ITGA8: variants seen among roughly 807,000 people sequenced by gnomAD.
The protein encoded by ITGA8 is integrin alpha-8.
ITGA8 carries 91 observed loss-of-function variants against 142.3 expected under a neutral mutation model. The observed-to-expected ratio is 0.64, with a 90% CI of 0.54 to 0.76. ITGA8 has a LOEUF of 0.76. ITGA8 is among the 30% of genes least tolerant of loss of function. The pLI is 0.00. For missense variants in ITGA8, 1,406 were observed against 1,327.7 expected, an observed-to-expected ratio of 1.06 and a Z score of -0.92; for synonymous variants, 505 against 485.2, an observed-to-expected ratio of 1.04 and a Z score of -0.54.
intron 27 of ITGA8, 59 bp downstream of exon 27, chr10:15,548,396 G>A: frequency 8.5e-7 from 1 of 1,174,476 alleles, no homozygotes; most frequent in Non-Finnish European, 1.2e-6. Context: ...TTCCCACTGA[G>A]CTTTTGTGAA....
intron 13 of ITGA8, among the ~76,000 whole-genome samples, chr10:15,629,354 A>C (rs1209401530): frequency 6.6e-6 from 1 of 152,046 alleles, no homozygotes; most frequent in East Asian, 1.9e-4. Flanking sequence ...GGCAATGTAA[A>C]TTGATAGCAT....
intron 2 of ITGA8, among the ~76,000 whole-genome samples, chr10:15,710,600 G>A (rs750252216): frequency 1.3e-5 from 2 of 152,202 alleles, no homozygotes. Context: ...CAACACGTGT[G>A]TATGCAAGAG....
intron 2 of ITGA8, among the ~76,000 whole-genome samples, chr10:15,694,255 CAT>C (rs1564412292): frequency 1.6e-5 from 2 of 127,142 alleles, no homozygotes; most frequent in African/African-American, 6.4e-5. Flanking sequence ...TATATGATAA[CAT>C]ATACATCAGA....
At chr10:15,518,363 A>G (rs1833001062) in intron 29 of ITGA8, among the ~76,000 whole-genome samples, 2 of 152,252 alleles carry the variant, frequency 1.3e-5, no homozygotes, top group Admixed American at 6.5e-5. Flanking sequence ...TACAGTTACT[A>G]TGAGTGACAG....
At chr10:15,658,978 T>C in intron 10 of ITGA8, 21 bp downstream of exon 10, 1 of 1,466,528 alleles carries the variant, frequency 6.8e-7, no homozygotes, top group Non-Finnish European at 9.5e-7. Flanking sequence ...TTTTATTTAT[T>C]TGATATTAAA....
chr10:15,651,250 TTTG>T (rs1414974009), intron 11 of ITGA8, among the ~76,000 whole-genome samples: 4 of 152,096 alleles, frequency 2.6e-5, no homozygotes, highest in South Asian at 2.1e-4. Context: ...ACCATCTCCA[TTTG>T]TTGTTAACAG....
At chr10:15,575,894 TTATACA>T (rs1834282946) in intron 23 of ITGA8, among the ~76,000 whole-genome samples, 2 of 151,924 alleles carry the variant, frequency 1.3e-5, no homozygotes, top group Admixed American at 1.3e-4. Context: ...ATAACCAAAC[TTATACA>T]TATATAAATA....
At chr10:15,704,400 C>T (rs1835220264) in intron 2 of ITGA8, among the ~76,000 whole-genome samples, 1 of 152,154 alleles carries the variant, frequency 6.6e-6, no homozygotes, top group African/African-American at 2.4e-5. Context: ...AGAGTTGTTT[C>T]TTTCCAGAGT....
intron 23 of ITGA8, among the ~76,000 whole-genome samples, chr10:15,582,218 G>A (rs1834420907): frequency 6.6e-6 from 1 of 152,150 alleles, no homozygotes; most frequent in Non-Finnish European, 1.5e-5. Context: ...CAGCCTGGGA[G>A]ATAGAGTGAG....
intron 13 of ITGA8, among the ~76,000 whole-genome samples, chr10:15,642,217 T>C (rs946229288): frequency 1.8e-4 from 27 of 152,176 alleles, no homozygotes; most frequent in African/African-American, 6.3e-4. Context: ...GCTTTTAAAT[T>C]TTTTCTCCCT....
At chr10:15,622,542 A>C (rs1833507897) in intron 13 of ITGA8, among the ~76,000 whole-genome samples, 1 of 152,148 alleles carries the variant, frequency 6.6e-6, no homozygotes, top group Non-Finnish European at 1.5e-5. Context: ...GAAATCACAA[A>C]GGAATTTCAA....
At chr10:15,584,622 G>A (rs1009547012) in intron 23 of ITGA8, among the ~76,000 whole-genome samples, 2 of 152,148 alleles carry the variant, frequency 1.3e-5, no homozygotes, top group Admixed American at 6.5e-5. Flanking sequence ...CTCTGATCCT[G>A]AATTTCCACT....
intron 13 of ITGA8, among the ~76,000 whole-genome samples, chr10:15,620,946 A>G (rs972356435): frequency 1.2e-4 from 19 of 152,210 alleles, no homozygotes; most frequent in Non-Finnish European, 2.5e-4. Flanking sequence ...GATATTGCAT[A>G]ATTCTGTGCT....
At chr10:15,718,189 A>C (rs1169604738) in intron 2 of ITGA8, among the ~76,000 whole-genome samples, 1 of 152,246 alleles carries the variant, frequency 6.6e-6, no homozygotes, top group African/African-American at 2.4e-5. Context: ...TTAAATAAGA[A>C]ACATCTGTCT....
intron 11 of ITGA8, among the ~76,000 whole-genome samples, chr10:15,647,661 A>C (rs1177662940): frequency 6.6e-6 from 1 of 151,194 alleles, no homozygotes; most frequent in African/African-American, 2.4e-5. Flanking sequence ...ACGGGGTTTC[A>C]CCTTGTTAGC....
At chr10:15,668,191 A>T (rs1265776909) in intron 8 of ITGA8, among the ~76,000 whole-genome samples, 3 of 152,122 alleles carry the variant, frequency 2.0e-5, no homozygotes, top group Non-Finnish European at 4.4e-5. Context: ...TGCTTTATGA[A>T]TCTGGGTGCT....
At chr10:15,642,865 A>G (rs758030950) in intron 13 of ITGA8, among the ~76,000 whole-genome samples, 8 of 152,188 alleles carry the variant, frequency 5.3e-5, no homozygotes, top group Non-Finnish European at 1.2e-4. Context: ...AGCTTACTGG[A>G]TGCTGCCCCA....
At chr10:15,654,985 C>T (rs577539859) in intron 11 of ITGA8, among the ~76,000 whole-genome samples, 12 of 152,182 alleles carry the variant, frequency 7.9e-5, no homozygotes, top group Admixed American at 2.0e-4. Flanking sequence ...CTTAAAAATC[C>T]GTTTATGTGC....
At chr10:15,677,343 C>G (rs1215339493) in intron 6 of ITGA8, among the ~76,000 whole-genome samples, 3 of 152,008 alleles carry the variant, frequency 2.0e-5, no homozygotes, top group Non-Finnish European at 4.4e-5. Context: ...TGCTAATTAC[C>G]CTGATTTGAT....
Sources: allele counts gnomAD v4.1 joint callset (sites outside exome capture counted in the v4.1 genomes callset), GRCh38; gene constraint gnomAD v4.1.1; transcripts MANE v1.5; gene names NCBI Gene and HGNC (gene_info 2026-07-23, HGNC 2026-07-21).